SLC9B2: variants seen among roughly 807,000 people sequenced by gnomAD.
SLC9B2 encodes sodium/hydrogen exchanger 9B2.
SLC9B2 carries 39 observed loss-of-function variants against 52.2 expected under a neutral mutation model. The ratio of observed to expected loss-of-function variants is 0.75; its 90% CI spans 0.58 to 0.98. The LOEUF (loss-of-function observed/expected upper bound fraction) is 0.98, where lower values mean the gene tolerates loss of function less well. Ranked by LOEUF, SLC9B2 falls within the 50% of genes least tolerant of loss-of-function variation. The pLI is 0.00. For missense variants in SLC9B2, 626 were observed against 637.5 expected, an observed-to-expected ratio of 0.98 and a Z score of 0.19; for synonymous variants, 214 against 227.0, an observed-to-expected ratio of 0.94 and a Z score of 0.51.
Position 103,023,158 on chromosome 4 carries a change from A to G in SLC9B2, c.*3212T>C, listed in dbSNP as rs534436412. Among the ~76,000 whole-genome samples the G allele has an allele frequency of 2.0e-5, 3 of 152,340 alleles. No homozygotes were observed. The highest frequency in any genetic ancestry group is 1.9e-4 in the East Asian group (1 of 5,186). ...TGGCAAGTAGTTTTCTGATATTGAGAGAGGATCCTCTTCCTCTCAGATTTA... is the reference window on the plus strand; with the variant it reads ...TGGCAAGTAGTTTTCTGATATTGAGGGAGGATCCTCTTCCTCTCAGATTTA... On this transcript the variant is annotated 3_prime_UTR_variant, in exon 12 of 12. Coordinates refer to ENST00000394785, the MANE Select transcript of SLC9B2 (RefSeq NM_178833.7).
chr4:103,041,679 T>C (rs1743656206), intron 9 of SLC9B2, among the ~76,000 whole-genome samples: 2 of 152,216 alleles, frequency 1.3e-5, no homozygotes, highest in African/African-American at 2.4e-5. Context: ...TGCAAAAGTT[T>C]AGAATTATGT....
chr4:103,028,963 C>A (rs1455555796), intron 10 of SLC9B2, 80 bp from the exon 11 acceptor site: 5 of 1,176,652 alleles, frequency 4.2e-6, no homozygotes, highest in Non-Finnish European at 5.8e-6. Context: ...TTCAAAATAA[C>A]CATCAACAGA....
At chr4:103,033,182 C>T (rs571406764) in intron 9 of SLC9B2, among the ~76,000 whole-genome samples, 1 of 151,960 alleles carries the variant, frequency 6.6e-6, no homozygotes, top group South Asian at 2.1e-4. Context: ...GCAAAAGAAG[C>T]CATAAACCAA....
At chr4:103,049,893 TC>T (rs1744511066) in intron 5 of SLC9B2, among the ~76,000 whole-genome samples, 1 of 151,810 alleles carries the variant, frequency 6.6e-6, no homozygotes, top group African/African-American at 2.4e-5. Flanking sequence ...ATGTCTGTAA[TC>T]CCACCTACTT....
chr4:103,041,601 T>C (rs751586169), intron 9 of SLC9B2, among the ~76,000 whole-genome samples: 1 of 152,200 alleles, frequency 6.6e-6, no homozygotes, highest in Non-Finnish European at 1.5e-5. Flanking sequence ...TTTCAAATGA[T>C]ATTGCTCCTT....
chr4:103,030,890 T>C (rs970317035), intron 10 of SLC9B2, among the ~76,000 whole-genome samples: 8 of 152,178 alleles, frequency 5.3e-5, no homozygotes, highest in Admixed American at 5.2e-4. Context: ...TGAGTCTGAC[T>C]ACTCTGGATA....
At chr4:103,057,596 A>G (rs1490571876) in intron 4 of SLC9B2, among the ~76,000 whole-genome samples, 2 of 152,056 alleles carry the variant, frequency 1.3e-5, no homozygotes, top group African/African-American at 4.8e-5. Flanking sequence ...TGTGAACCAC[A>G]GCACACGGGC....
chr4:103,019,254 A>C (rs185081662), downstream of SLC9B2, among the ~76,000 whole-genome samples: 69 of 152,310 alleles, frequency 4.5e-4, no homozygotes, highest in Non-Finnish European at 8.8e-4. Flanking sequence ...GCAGGGATCC[A>C]CCGTTTGTAA....
intron 4 of SLC9B2, among the ~76,000 whole-genome samples, chr4:103,051,921 CTGTT>C (rs1444002039): frequency 1.3e-5 from 2 of 152,138 alleles, no homozygotes; most frequent in Non-Finnish European, 2.9e-5. Flanking sequence ...TAGTATCTCA[CTGTT>C]TGGAAGTTCC....
At position 103,050,351 on chromosome 4, in the gene SLC9B2, A is replaced by T. The variant is rs1345903763; in HGVS notation, c.474T>A (p.Asn158Lys). Residue 158 changes from asparagine (N) to lysine (K), a missense_variant, in exon 5 of 12, where the codon AAT becomes AAA. Asn to Lys is a moderately conservative substitution (Grantham distance 94, BLOSUM62 0). Coordinates refer to ENST00000394785, the MANE Select transcript of SLC9B2 (RefSeq NM_178833.7). ...GCACATTATCGTTGATGACTGGGAT[A>T]TTTCTGATGAGAAACCCTGCAAGCA... The part of the protein sequence containing the change: ...GMLLAGFLIR[N>K]IPVINDNVQI... The T allele has an allele frequency of 6.2e-7, 1 of 1,604,256 alleles. No homozygotes were observed. The highest frequency in any genetic ancestry group is 1.3e-5 in the African/African-American group (1 of 74,470).
chr4:103,059,476 G>A (rs557694185), intron 3 of SLC9B2, among the ~76,000 whole-genome samples: 1 of 152,266 alleles, frequency 6.6e-6, no homozygotes, highest in East Asian at 1.9e-4. Context: ...ATCCACATGT[G>A]TTTTATTAGA....
At chr4:103,062,199 G>A (rs1745707912) in intron 3 of SLC9B2, among the ~76,000 whole-genome samples, 2 of 152,172 alleles carry the variant, frequency 1.3e-5, no homozygotes, top group Non-Finnish European at 2.9e-5. Flanking sequence ...GAGGCAGGCG[G>A]ATCATGAGGT....
At chr4:103,060,715 C>A (rs1472663045) in intron 3 of SLC9B2, among the ~76,000 whole-genome samples, 1 of 151,736 alleles carries the variant, frequency 6.6e-6, no homozygotes. Flanking sequence ...TTTGTTGAAG[C>A]CTTAGGTTGA....
chr4:103,040,828 T>C (rs1743570497), intron 9 of SLC9B2, among the ~76,000 whole-genome samples: 1 of 152,208 alleles, frequency 6.6e-6, no homozygotes, highest in Admixed American at 6.5e-5. Flanking sequence ...TGGTTCACAG[T>C]GTGGTCCCTA....
At position 103,025,025 on chromosome 4, in the gene SLC9B2, C is replaced by G. The variant is rs1316279969; in HGVS notation, c.*1345G>C. 6.6e-6 allele frequency among the ~76,000 whole-genome samples: 1 copy of G among 152,308 alleles called. No homozygotes were observed. Among genetic ancestry groups the G allele is most frequent in the Non-Finnish European group, 1.5e-5 (1 of 68,020 alleles). On this transcript the variant is annotated 3_prime_UTR_variant, in exon 12 of 12. Coordinates refer to ENST00000394785, the MANE Select transcript of SLC9B2 (RefSeq NM_178833.7). ...TACTGAATGATGGTAACATCCAACA[C>G]AGTGGAAGCTCTGGCCCCGAAAATC...
chr4:103,036,856 A>G (rs114147514), intron 9 of SLC9B2, among the ~76,000 whole-genome samples: 1 of 152,202 alleles, frequency 6.6e-6, no homozygotes, highest in Non-Finnish European at 1.5e-5. Context: ...AAAAGAAGCT[A>G]TATTTTTGGA....
Position 103,076,698 on chromosome 4 carries a change from G to A in SLC9B2, c.-557C>T, listed in dbSNP as rs988327158. The A allele has an allele frequency of 6.6e-6, 1 of 152,240 alleles. No homozygotes were observed. The highest frequency in any genetic ancestry group is 1.5e-5 in the Non-Finnish European group (1 of 68,058). The allele number at this position is 152,240 out of a possible 1,614,324, so 9.4% of individuals were successfully genotyped here. On this transcript the variant is annotated 5_prime_UTR_variant, in exon 1 of 12. Transcript: ENST00000394785. Reference sequence around the variant, plus strand: ...CTGGGGCCAGGACCAGCGAGCTCCCGGGAAAGCTTCCCGGAAAGCTTACCC... The same window carrying A: ...CTGGGGCCAGGACCAGCGAGCTCCCAGGAAAGCTTCCCGGAAAGCTTACCC...
At chr4:103,020,453 C>T (rs186699385), downstream of SLC9B2, 1 of 390,240 alleles carries the variant, frequency 2.6e-6, no homozygotes, top group African/African-American at 2.1e-5. Context: ...ACAAACTGCC[C>T]TTTCCTATCT....
At chr4:103,058,917 A>G (rs918165676) in intron 3 of SLC9B2, among the ~76,000 whole-genome samples, 3 of 151,996 alleles carry the variant, frequency 2.0e-5, no homozygotes, top group African/African-American at 7.2e-5. Flanking sequence ...AAATATAAAA[A>G]TTATCTGGGT....
Sources: allele counts gnomAD v4.1 joint callset (sites outside exome capture counted in the v4.1 genomes callset), GRCh38; gene constraint gnomAD v4.1.1; transcripts MANE v1.5; gene names NCBI Gene and HGNC (gene_info 2026-07-23, HGNC 2026-07-21).